Variants in STAB2 observed in about 807,000 individuals in gnomAD.
STAB2 encodes the protein stabilin-2.
A neutral mutation model predicts 338.1 loss-of-function variants in STAB2; 288 were observed. The ratio of observed to expected loss-of-function variants is 0.85; its 90% CI spans 0.77 to 0.94. The LOEUF (loss-of-function observed/expected upper bound fraction) is 0.94, where lower values mean the gene tolerates loss of function less well. Ranked by LOEUF, STAB2 falls within the 40% of genes least tolerant of loss-of-function variation. STAB2 has a pLI of 0.00. For missense variants in STAB2, 3,141 were observed against 3,210.1 expected, an observed-to-expected ratio of 0.98 and a Z score of 0.52; for synonymous variants, 1,202 against 1,193.3, an observed-to-expected ratio of 1.01 and a Z score of -0.15.
chr12:103,708,850 A>AAT (rs892816117), intron 39 of STAB2, among the ~76,000 whole-genome samples: 4 of 151,914 alleles, frequency 2.6e-5, no homozygotes, highest in Non-Finnish European at 5.9e-5. Flanking sequence ...TCCACTTCAC[A>AAT]ATATATATAT....
intron 22 of STAB2, 125 bp from the exon 23 acceptor site, chr12:103,673,782 G>T: frequency 9.6e-7 from 1 of 1,040,172 alleles, no homozygotes. Flanking sequence ...GCTCAGCCCC[G>T]ATTCTGCTTT....
chr12:103,595,444 C>T (rs529673687), intron 3 of STAB2, among the ~76,000 whole-genome samples: 6 of 152,030 alleles, frequency 3.9e-5, no homozygotes, highest in Admixed American at 2.6e-4. Context: ...TGTATTCTGT[C>T]GCATATAGGA....
chr12:103,655,275 C>T lies in STAB2; in HGVS notation c.1576C>T (p.Pro526Ser). The change falls in exon 14 of 69, where the codon CCA (proline) becomes TCA (serine). Residue 526 changes from proline to serine, a missense_variant. Pro to Ser is a moderately conservative substitution (Grantham distance 74). Transcript: ENST00000388887. ...NEQTIMTMLQ[P>S]RYSKFRSLLE... ...GCAAACCATAATGACAATGCTACAA[C>T]CAAGGTACAGCAAGTTCAGATCTTT... 2 of 1,613,062 alleles carry T rather than the reference C, an allele frequency of 1.2e-6. No homozygotes were observed. The highest frequency in any genetic ancestry group is 1.7e-6 in the Non-Finnish European group (2 of 1,179,730).
intron 67 of STAB2, 61 bp from the exon 68 acceptor site, chr12:103,763,431 T>C: frequency 1.3e-6 from 2 of 1,515,804 alleles, no homozygotes; most frequent in Non-Finnish European, 9.1e-7. Context: ...ACCTGCCAAC[T>C]TGGCTGAGAC....
chr12:103,615,090 C>A (rs1957188230), intron 3 of STAB2, among the ~76,000 whole-genome samples: 1 of 152,190 alleles, frequency 6.6e-6, no homozygotes, highest in Admixed American at 6.5e-5. Flanking sequence ...ATTTTAGTTT[C>A]ATCTGCTTTC....
Position 103,648,707 on chromosome 12 carries a change from G to C in STAB2, c.1058G>C (p.Gly353Ala). 1 of 1,614,048 alleles carries C rather than the reference G, an allele frequency of 6.2e-7. No individual in the cohort carries two copies. Reference protein sequence around the residue: ...PGRTECICQKGYVGDGLTCYG... With the variant: ...PGRTECICQKAYVGDGLTCYG... ...CTCTGTAGATGCATTTGCCAGAAAG[G>C]TTACGTGGGTGATGGCTTAACGTGT... The change falls in exon 10 of 69, where the codon GGT becomes GCT. Residue 353 changes from glycine to alanine, a missense_variant. Coordinates refer to ENST00000388887, the MANE Select transcript of STAB2 (RefSeq NM_017564.10).
intron 57 of STAB2, among the ~76,000 whole-genome samples, chr12:103,745,527 C>A (rs556629934): frequency 2.0e-5 from 3 of 152,292 alleles, no homozygotes; most frequent in African/African-American, 4.8e-5. Flanking sequence ...TAGGACCCAC[C>A]TCAAGCACAG....
intron 67 of STAB2, 38 bp from the exon 68 acceptor site, chr12:103,763,454 G>A: frequency 6.3e-7 from 1 of 1,597,034 alleles, no homozygotes; most frequent in Non-Finnish European, 8.6e-7. Flanking sequence ...TCCTGCTTTG[G>A]GGATGCTCCT....
intron 58 of STAB2, among the ~76,000 whole-genome samples, chr12:103,747,516 G>A (rs1246743513): frequency 6.6e-6 from 1 of 152,002 alleles, no homozygotes; most frequent in Non-Finnish European, 1.5e-5. Context: ...CAAGATGGAA[G>A]GAGAGGAAGG....
At chr12:103,617,765 G>A (rs1957233281) in intron 3 of STAB2, among the ~76,000 whole-genome samples, 1 of 152,216 alleles carries the variant, frequency 6.6e-6, no homozygotes, top group Non-Finnish European at 1.5e-5. Flanking sequence ...TACCTGAGCT[G>A]TTGTCCTGGG....
At chr12:103,617,045 C>T (rs1475211365) in intron 3 of STAB2, among the ~76,000 whole-genome samples, 3 of 152,172 alleles carry the variant, frequency 2.0e-5, no homozygotes, top group Admixed American at 6.5e-5. Flanking sequence ...CATGATCTAG[C>T]TTTTGCCATC....
In STAB2 at chr12:103,683,238, A is replaced by G; in HGVS notation, c.2839A>G (p.Asn947Asp). Residue 947 changes from asparagine (N) to aspartate (D), a missense_variant, in exon 26 of 69, where the codon AAT becomes GAT. Coordinates refer to ENST00000388887, the MANE Select transcript of STAB2 (RefSeq NM_017564.10). ...TGAGTGCAAGAAAGGATTTCGAGGAAATGGGATTGACTGTGAACCAATAAC... is the reference window on the plus strand; with the variant it reads ...TGAGTGCAAGAAAGGATTTCGAGGAGATGGGATTGACTGTGAACCAATAAC... The part of the protein sequence containing the change: ...ECECKKGFRG[N>D]GIDCEPITSC... The G allele has an allele frequency of 6.2e-7, 1 of 1,613,346 alleles. No homozygotes were observed. The highest frequency in any genetic ancestry group is 1.1e-5 in the South Asian group (1 of 90,892).
chr12:103,724,866 G>T, intron 44 of STAB2, 109 bp from the exon 45 acceptor site: 2 of 1,547,544 alleles, frequency 1.3e-6, no homozygotes, highest in Non-Finnish European at 1.8e-6. Flanking sequence ...GAATCAAAGA[G>T]AGTGAGACAA....
chr12:103,694,519 C>A (rs1878233568), intron 31 of STAB2, among the ~76,000 whole-genome samples: 1 of 152,118 alleles, frequency 6.6e-6, no homozygotes, highest in Non-Finnish European at 1.5e-5. Context: ...AACTCTGCCA[C>A]CGTAGTGCAA....
chr12:103,688,806 A>G (rs1877664181), intron 28 of STAB2, among the ~76,000 whole-genome samples: 1 of 152,152 alleles, frequency 6.6e-6, no homozygotes, highest in East Asian at 1.9e-4. Context: ...ACTTTCATCT[A>G]GACTCTTCAT....
At chr12:103,602,836 T>C (rs1956972955) in intron 3 of STAB2, among the ~76,000 whole-genome samples, 1 of 152,228 alleles carries the variant, frequency 6.6e-6, no homozygotes, top group African/African-American at 2.4e-5. Context: ...TCCCAGTCTG[T>C]GTCTTGTCTT....
chr12:103,684,489 C>T (rs945388280), intron 26 of STAB2, among the ~76,000 whole-genome samples: 6 of 152,222 alleles, frequency 3.9e-5, no homozygotes, highest in African/African-American at 1.4e-4. Context: ...AGCTCTCACA[C>T]TTCTGCTTGA....
chr12:103,754,306 A>G (rs1883923623), intron 61 of STAB2, among the ~76,000 whole-genome samples: 1 of 152,076 alleles, frequency 6.6e-6, no homozygotes. Context: ...GTAATATGGC[A>G]CACAGTAGGA....
At chr12:103,692,628 C>CGT (rs1294605779) in intron 30 of STAB2, among the ~76,000 whole-genome samples, 184 bp from the exon 31 acceptor site, 1 of 128,630 alleles carries the variant, frequency 7.8e-6, no homozygotes, top group Admixed American at 7.8e-5. Flanking sequence ...TGCACGTGCA[C>CGT]GTGTGTGAGA....
Sources: allele counts gnomAD v4.1 joint callset (sites outside exome capture counted in the v4.1 genomes callset), GRCh38; gene constraint gnomAD v4.1.1; transcripts MANE v1.5; gene names NCBI Gene and HGNC (gene_info 2026-07-23, HGNC 2026-07-21).